Variants in GPC5 observed in about 807,000 individuals in gnomAD.
GPC5 encodes the protein glypican 5, also known as glypican-5.
A neutral mutation model predicts 53.9 loss-of-function variants in GPC5; 47 were observed. The observed-to-expected ratio is 0.87, with a 90% CI of 0.69 to 1.11. GPC5 has a LOEUF of 1.11. GPC5 is among the 50% of genes most tolerant of loss of function. GPC5 has a pLI of 0.00. For synonymous variants in GPC5, 286 were observed against 263.3 expected (o/e 1.09, Z -0.84); for missense variants, 748 against 713.1 (o/e 1.05, Z -0.56).
chr13:91,886,694 C>T (rs144289817), intron 5 of GPC5, among the ~76,000 whole-genome samples: 1 of 152,306 alleles, frequency 6.6e-6, no homozygotes, highest in Non-Finnish European at 1.5e-5. Flanking sequence ...GCTACAGGCT[C>T]CATGCAAGTC....
At chr13:92,772,851 CA>C (rs1408387179) in intron 7 of GPC5, among the ~76,000 whole-genome samples, 2 of 152,010 alleles carry the variant, frequency 1.3e-5, no homozygotes, top group Admixed American at 1.3e-4. Context: ...TATACTCTGC[CA>C]AATAGAGTTC....
At position 91,572,672 on chromosome 13, in the gene GPC5, A is replaced by G. The variant is rs1175989183; in HGVS notation, c.326-120515A>G. 2.6e-5 allele frequency among the ~76,000 whole-genome samples: 4 copies of G among 152,216 alleles called. No individual in the cohort carries two copies. In the East Asian group the frequency reaches 7.7e-4, roughly 29 times the overall value. ...AGCTATTCACGAGGGATCTGCCCCC[A>G]TGACTCAACACCATCCACTAGGCCT... On this transcript the variant is annotated intron_variant, in intron 2 of 7. Coordinates refer to ENST00000377067, the MANE Select transcript of GPC5 (RefSeq NM_004466.6).
chr13:91,844,991 A>G (rs1460797739), intron 5 of GPC5, among the ~76,000 whole-genome samples: 1 of 152,160 alleles, frequency 6.6e-6, no homozygotes, highest in Admixed American at 6.5e-5. Context: ...TTGTAATAAA[A>G]CATTTCTGGG....
chr13:91,744,538 C>T (rs2037006092), intron 4 of GPC5, among the ~76,000 whole-genome samples: 1 of 152,000 alleles, frequency 6.6e-6, no homozygotes, highest in Non-Finnish European at 1.5e-5. Flanking sequence ...TAAGTATATA[C>T]CAGCCATTAG....
intron 7 of GPC5, among the ~76,000 whole-genome samples, chr13:92,550,248 A>T (rs1189058545): frequency 6.6e-6 from 1 of 151,810 alleles, no homozygotes; most frequent in Non-Finnish European, 1.5e-5. Flanking sequence ...GTTTTAATGC[A>T]TTCTCAGCAA....
chr13:91,709,672 A>G (rs1162091363), intron 3 of GPC5, among the ~76,000 whole-genome samples: 3 of 152,212 alleles, frequency 2.0e-5, no homozygotes, highest in Non-Finnish European at 4.4e-5. Flanking sequence ...TTTTGCATGA[A>G]TGCAATTATT....
intron 7 of GPC5, among the ~76,000 whole-genome samples, chr13:92,533,230 G>A (rs1881620426): frequency 6.6e-6 from 1 of 152,044 alleles, no homozygotes; most frequent in Admixed American, 6.6e-5. Flanking sequence ...ATGTACAAAT[G>A]TAAACTTAAC....
chr13:92,198,035 T>C (rs1481890770), intron 7 of GPC5, among the ~76,000 whole-genome samples: 1 of 152,184 alleles, frequency 6.6e-6, no homozygotes, highest in African/African-American at 2.4e-5. Flanking sequence ...TGTGCCTGAC[T>C]CTGGACCTGA....
At chr13:92,235,944 T>A (rs913331687) in intron 7 of GPC5, among the ~76,000 whole-genome samples, 1 of 152,136 alleles carries the variant, frequency 6.6e-6, no homozygotes, top group Non-Finnish European at 1.5e-5. Context: ...AGCTTTTTCC[T>A]TTGAAACATT....
intron 7 of GPC5, among the ~76,000 whole-genome samples, chr13:92,776,589 G>C (rs949739763): frequency 6.6e-6 from 1 of 152,172 alleles, no homozygotes; most frequent in Non-Finnish European, 1.5e-5. Context: ...CTCAATGTCT[G>C]ATAGAATAGG....
intron 7 of GPC5, among the ~76,000 whole-genome samples, chr13:92,655,608 T>C (rs1886107841): frequency 6.6e-6 from 1 of 152,204 alleles, no homozygotes; most frequent in Admixed American, 6.5e-5. Context: ...CCCAAAGTGC[T>C]GGGGTTATAG....
chr13:91,533,179 G>A lies in GPC5; in HGVS notation c.325+84257G>A, dbSNP rs544102024. Among the ~76,000 whole-genome samples, 3 of 152,292 alleles carry A rather than the reference G, an allele frequency of 2.0e-5. No individual in the cohort carries two copies. The South Asian group carries it at 6.2e-4, about 32-fold the overall frequency. ...GGCAGATTCAAAAGGAGGAATGGAT[G>A]TGGTGACTCTAGGAAGAGCTAAATG... is the stretch of plus-strand genomic sequence containing the variant. On this transcript the variant is annotated intron_variant, in intron 2 of 7. Coordinates refer to ENST00000377067, the MANE Select transcript of GPC5 (RefSeq NM_004466.6).
intron 7 of GPC5, among the ~76,000 whole-genome samples, chr13:92,582,464 T>C (rs1437782447): frequency 6.6e-6 from 1 of 152,148 alleles, no homozygotes; most frequent in Non-Finnish European, 1.5e-5. Context: ...GCTTTGTTCA[T>C]TTTGATCAAG....
At chr13:92,257,195 A>G (rs2042732336) in intron 7 of GPC5, among the ~76,000 whole-genome samples, 1 of 152,196 alleles carries the variant, frequency 6.6e-6, no homozygotes, top group African/African-American at 2.4e-5. Context: ...AACTATTTGA[A>G]GTAGAAAATA....
At chr13:92,653,847 G>A (rs1886039055) in intron 7 of GPC5, among the ~76,000 whole-genome samples, 1 of 152,208 alleles carries the variant, frequency 6.6e-6, no homozygotes, top group Non-Finnish European at 1.5e-5. Flanking sequence ...TTTGCCTTTT[G>A]TTGGTCAAAG....
intron 1 of GPC5, among the ~76,000 whole-genome samples, chr13:91,437,142 A>G (rs906817305): frequency 2.0e-5 from 3 of 152,054 alleles, no homozygotes; most frequent in Admixed American, 1.3e-4. Flanking sequence ...TCTTTATCCA[A>G]TTTGCCAGTC....
chr13:91,565,380 C>A (rs2031483673), intron 2 of GPC5, among the ~76,000 whole-genome samples: 1 of 152,130 alleles, frequency 6.6e-6, no homozygotes, highest in African/African-American at 2.4e-5. Context: ...ACTGCTTAAG[C>A]AATGCACAGT....
intron 7 of GPC5, among the ~76,000 whole-genome samples, chr13:92,577,545 C>T (rs1883229361): frequency 1.3e-5 from 2 of 151,792 alleles, no homozygotes; most frequent in Admixed American, 6.6e-5. Context: ...AAGATTCAAA[C>T]CTCAATTTCC....
At chr13:92,503,995 A>G (rs753057486) in intron 7 of GPC5, among the ~76,000 whole-genome samples, 5 of 151,894 alleles carry the variant, frequency 3.3e-5, no homozygotes, top group Non-Finnish European at 7.4e-5. Context: ...AAATTTAGGG[A>G]ACTTAAAGAA....
Sources: gnomAD v4.1 joint callset for allele counts (sites outside exome capture counted in the v4.1 genomes callset) on GRCh38, gnomAD v4.1.1 for gene constraint, MANE v1.5 for transcripts, NCBI Gene and HGNC (gene_info 2026-07-23, HGNC 2026-07-21) for gene names.